The following AHNAK variants were observed in gnomAD, a reference collection of about 807,000 sequenced individuals.
AHNAK encodes neuroblast differentiation-associated protein AHNAK.
In AHNAK, 23 loss-of-function variants were observed where a neutral mutation model predicts 37.8. The ratio of observed to expected loss-of-function variants is 0.61; its 90% CI spans 0.44 to 0.86. The LOEUF (loss-of-function observed/expected upper bound fraction) is 0.86, where lower values mean the gene tolerates loss of function less well. Among genes scored for constraint, AHNAK ranks in the 40% least tolerant of loss-of-function variants. The probability of loss-of-function intolerance (pLI) is 0.00; values close to 1 mark genes in which losing one functional copy is unlikely to be tolerated. For missense variants in AHNAK, 7,411 were observed against 7,319.4 expected (o/e 1.01, Z -0.46); for synonymous variants, 2,481 against 2,636.3 (o/e 0.94, Z 1.80).
At chr11:62,455,265 G>A (rs370992488) in intron 5 of AHNAK, among the ~76,000 whole-genome samples, 2 of 151,800 alleles carry the variant, frequency 1.3e-5, no homozygotes, top group African/African-American at 2.4e-5. Flanking sequence ...AACTAGCTCC[G>A]CTAGAAGGCC....
Position 62,519,526 on chromosome 11 carries a change from T to C in AHNAK, c.14891A>G (p.Asn4964Ser). The C allele has an allele frequency of 6.2e-7, 1 of 1,612,930 alleles. No homozygotes were observed. Among genetic ancestry groups the C allele is most frequent in the Non-Finnish European group, 8.5e-7 (1 of 1,179,596 alleles). ...LDVHMDSPDI[N>S]IEGPDVKIPK... is the part of the protein sequence containing the mutation. ...GATTTTAACATCTGGCCCTTCGATGTTAATATCTGGGCTGTCCATGTGTAC... is the reference window on the plus strand; with the variant it reads ...GATTTTAACATCTGGCCCTTCGATGCTAATATCTGGGCTGTCCATGTGTAC... The change falls in exon 5 of 5, where the codon AAC becomes AGC. Residue 4964 changes from asparagine (N) to serine (S), a missense_variant. Asn to Ser is a conservative substitution (Grantham distance 46). Coordinates refer to ENST00000378024, the MANE Select transcript of AHNAK (RefSeq NM_001620.3).
downstream of AHNAK, among the ~76,000 whole-genome samples, chr11:62,510,921 A>T (rs1425800212): frequency 3.3e-5 from 5 of 149,500 alleles, no homozygotes; most frequent in Non-Finnish European, 5.9e-5. Flanking sequence ...AATACACTTT[A>T]AAAAAAAAGA....
downstream of AHNAK, chr11:62,515,824 G>A: frequency 2.0e-6 from 2 of 1,012,520 alleles, no homozygotes; most frequent in Admixed American, 4.7e-5. Context: ...GATGGATCCG[G>A]TCTGAACACT....
chr11:62,453,637 T>A (rs1458543524), intron 5 of AHNAK, among the ~76,000 whole-genome samples: 2 of 152,124 alleles, frequency 1.3e-5, no homozygotes, highest in African/African-American at 2.4e-5. Context: ...GCTGTCTCAG[T>A]CCACCAAAAG....
In AHNAK at chr11:62,526,102, G is replaced by A. The variant is rs146758684; in HGVS notation, c.8315C>T (p.Pro2772Leu). Residue 2772 changes from proline to leucine, a missense_variant, in exon 5 of 5, where the codon CCC becomes CTC. Transcript: ENST00000378024. ...WHLKMPKIKMPKISMPGFKGE... is the reference protein window; with the variant it reads ...WHLKMPKIKMLKISMPGFKGE... ...TTTGAAGCCAGGCATGCTGATCTTG[G>A]GCATTTTTATCTTGGGCATCTTTAG... 1.1e-5 allele frequency: 18 copies of A among 1,613,158 alleles called. No individual in the cohort carries two copies. Among genetic ancestry groups the A allele is most frequent in the African/African-American group, 8.0e-5 (6 of 74,582 alleles).
intron 5 of AHNAK, among the ~76,000 whole-genome samples, chr11:62,473,492 G>C (rs965305067): frequency 2.0e-5 from 3 of 150,914 alleles, no homozygotes; most frequent in Non-Finnish European, 2.9e-5. Flanking sequence ...TCAGGAGATC[G>C]AGACCAAGGT....
chr11:62,530,398 T>C lies in AHNAK; in HGVS notation c.4019A>G (p.Asp1340Gly), dbSNP rs142422032. 1.0e-4 allele frequency: 168 copies of C among 1,614,060 alleles called. 2 individuals are homozygous for C. The African/African-American group carries it at 2.1e-3, about 20-fold the overall frequency. ...LNLKGPKLKG[D>G]VDVSLPEVEG... Reference sequence around the variant, plus strand: ...TACCTCAGGCAAGGACACATCCACATCTCCCTTCAATTTTGGCCCCTTAAG... The same window carrying C: ...TACCTCAGGCAAGGACACATCCACACCTCCCTTCAATTTTGGCCCCTTAAG... Residue 1340 changes from aspartate to glycine, a missense_variant, in exon 5 of 5, where the codon GAT becomes GGT. By Grantham distance (94) the Asp-to-Gly change is moderately conservative (BLOSUM62 -1). Transcript: ENST00000378024.
intron 1 of AHNAK, among the ~76,000 whole-genome samples, chr11:62,539,396 G>A (rs1185930470): frequency 6.6e-6 from 1 of 152,254 alleles, no homozygotes; most frequent in East Asian, 1.9e-4. Flanking sequence ...CAGCGAGGGG[G>A]AAAGAGCTAG....
intron 4 of AHNAK, among the ~76,000 whole-genome samples, chr11:62,499,105 G>C (rs1288634351): frequency 6.6e-6 from 1 of 152,192 alleles, no homozygotes; most frequent in African/African-American, 2.4e-5. Context: ...TGGGCATGGG[G>C]AGATAAAATA....
chr11:62,494,605 A>G (rs957861024), intron 4 of AHNAK, among the ~76,000 whole-genome samples: 3 of 152,082 alleles, frequency 2.0e-5, no homozygotes, highest in African/African-American at 4.8e-5. Context: ...AATGGCTCAC[A>G]CCTGTAATCC....
intron 5 of AHNAK, among the ~76,000 whole-genome samples, chr11:62,435,476 TC>T (rs1337167746): frequency 6.6e-6 from 1 of 152,122 alleles, no homozygotes; most frequent in African/African-American, 2.4e-5. Flanking sequence ...AGTGGCGCGA[TC>T]TTGGCTCACT....
intron 1 of AHNAK, among the ~76,000 whole-genome samples, chr11:62,542,602 T>A (rs1941164726): frequency 6.6e-6 from 1 of 152,138 alleles, no homozygotes; most frequent in African/African-American, 2.4e-5. Context: ...ACAGTGAGCT[T>A]GGAAGCCCTG....
chr11:62,531,277 T>G lies in AHNAK; in HGVS notation c.3140A>C (p.Glu1047Ala). 1 of 1,613,690 alleles carries G rather than the reference T, an allele frequency of 6.2e-7. No homozygotes were observed. The highest frequency in any genetic ancestry group is 8.5e-7 in the Non-Finnish European group (1 of 1,179,796). The change falls in exon 5 of 5, where the codon GAA becomes GCA. Residue 1047 changes from glutamate (E) to alanine (A), a missense_variant. By Grantham distance (107) the Glu-to-Ala change is moderately radical. Coordinates refer to ENST00000378024, the MANE Select transcript of AHNAK (RefSeq NM_001620.3). ...AAACTTCGGGCCTTTCAACTTCCCT[T>G]CAGGTCCTTCAAGGCTCAGATCTGG... ...NAPDLSLEGP[E>A]GKLKGPKFKM...
At chr11:62,504,250 C>T (rs1262894712) in intron 4 of AHNAK, among the ~76,000 whole-genome samples, 1 of 152,058 alleles carries the variant, frequency 6.6e-6, no homozygotes, top group Non-Finnish European at 1.5e-5. Flanking sequence ...ATTCAAGAGA[C>T]ACGCAATTTT....
In AHNAK at chr11:62,529,961, C is replaced by G. The variant is rs757478826; in HGVS notation, c.4456G>C (p.Asp1486His). The G allele has an allele frequency of 6.2e-7, 1 of 1,613,054 alleles. No individual in the cohort carries two copies. Among genetic ancestry groups the G allele is most frequent in the South Asian group, 1.1e-5 (1 of 91,020 alleles). Residue 1486 changes from aspartate to histidine, a missense_variant, in exon 5 of 5, where the codon GAC (aspartate) becomes CAC (histidine). By Grantham distance (81) the Asp-to-His change is moderately conservative (BLOSUM62 -1). Coordinates refer to ENST00000378024, the MANE Select transcript of AHNAK (RefSeq NM_001620.3). Reference protein sequence around the residue: ...VEGEIKAPDVDIKGPKVDINA... With the variant: ...VEGEIKAPDVHIKGPKVDINA... ...ATATCAACTTTGGGGCCTTTGATGT[C>G]AACATCAGGAGCTTTTATCTCTCCT...
intron 5 of AHNAK, among the ~76,000 whole-genome samples, chr11:62,476,579 G>A (rs180823193): frequency 6.6e-6 from 1 of 152,172 alleles, no homozygotes; most frequent in East Asian, 1.9e-4. Flanking sequence ...AAATTGGAAA[G>A]GTGAAAAAGC....
Position 62,522,692 on chromosome 11 carries a change from T to C in AHNAK, c.11725A>G (p.Ile3909Val). The C allele has an allele frequency of 2.5e-6, 4 of 1,613,020 alleles. No individual in the cohort carries two copies. Among genetic ancestry groups the C allele is most frequent in the Non-Finnish European group, 3.4e-6 (4 of 1,179,790 alleles). Residue 3909 changes from isoleucine (I) to valine (V), a missense_variant, in exon 5 of 5, where the codon ATT becomes GTT. Physicochemically the swap from Ile to Val is conservative, Grantham distance 29 (BLOSUM62 3). Transcript: ENST00000378024. ...EGDMQVPDLD[I>V]KGPKVDINAP... ...TTAATATCCACTTTGGGGCCTTTAA[T>C]ATCCAAGTCAGGAACTTGCATGTCA...
At chr11:62,490,870 C>A (rs2134894079) in intron 5 of AHNAK, among the ~76,000 whole-genome samples, 1 of 152,258 alleles carries the variant, frequency 6.6e-6, no homozygotes, top group East Asian at 1.9e-4. Flanking sequence ...TCACGGCAAC[C>A]TCTGCCTCCT....
At chr11:62,462,126 C>T (rs1281935333) in intron 5 of AHNAK, among the ~76,000 whole-genome samples, 2 of 152,114 alleles carry the variant, frequency 1.3e-5, no homozygotes, top group Admixed American at 1.3e-4. Flanking sequence ...AAGGTGGCAC[C>T]CTAGAGCCTG....
Sources: allele counts gnomAD v4.1 joint callset (sites outside exome capture counted in the v4.1 genomes callset), GRCh38; gene constraint gnomAD v4.1.1; transcripts MANE v1.5; gene names NCBI Gene and HGNC (gene_info 2026-07-23, HGNC 2026-07-21).